Variants in TOX3 observed in about 807,000 individuals in gnomAD.
TOX3 encodes the protein TOX high mobility group box family member 3.
Under a neutral mutation model 64.3 loss-of-function variants are expected in TOX3, and 22 were observed. The observed-to-expected ratio is 0.34, with a 90% CI of 0.24 to 0.49. The LOEUF is 0.49. Ranked by LOEUF, TOX3 falls within the 20% of genes least tolerant of loss-of-function variation. The pLI, the probability that TOX3 is intolerant of heterozygous loss-of-function variation, is 0.99. For synonymous variants in TOX3, 291 were observed against 273.6 expected, an observed-to-expected ratio of 1.06 and a Z score of -0.63; for missense variants, 661 against 714.4, an observed-to-expected ratio of 0.93 and a Z score of 0.85.
At chr16:52,523,339 A>G (rs1263072725) in intron 1 of TOX3, among the ~76,000 whole-genome samples, 2 of 152,194 alleles carry the variant, frequency 1.3e-5, no homozygotes, top group African/African-American at 4.8e-5. Context: ...GATGAGGTCA[A>G]GGAAATAATG....
At position 52,546,760 on chromosome 16, in the gene TOX3, G is replaced by T. The variant is rs1204473062; in HGVS notation, c.-37C>A. Reference sequence around the variant, plus strand: ...GCCCGGGGCCGGGGGCCGGGACTGGGGTTCGCCGGGGCCGGGACCCGCCTC... The same window carrying T: ...GCCCGGGGCCGGGGGCCGGGACTGGTGTTCGCCGGGGCCGGGACCCGCCTC... On this transcript the variant is annotated 5_prime_UTR_variant, in exon 1 of 7. Coordinates refer to ENST00000219746, the MANE Select transcript of TOX3 (RefSeq NM_001080430.4). 2 of 1,473,862 alleles carry T rather than the reference G, an allele frequency of 1.4e-6. No homozygotes were observed. Among genetic ancestry groups the T allele is most frequent in the African/African-American group, 2.9e-5 (2 of 68,426 alleles). 91.3% of individuals were successfully genotyped at this position (1,473,862 alleles called of 1,614,324 possible).
intron 1 of TOX3, among the ~76,000 whole-genome samples, chr16:52,526,749 T>G (rs1962734883): frequency 6.6e-6 from 1 of 152,226 alleles, no homozygotes; most frequent in Non-Finnish European, 1.5e-5. Flanking sequence ...AACCAGGTAG[T>G]CTTTGCGATT....
chr16:52,482,492 G>T (rs1175919632), intron 1 of TOX3, among the ~76,000 whole-genome samples: 3 of 152,068 alleles, frequency 2.0e-5, no homozygotes, highest in Non-Finnish European at 4.4e-5. Flanking sequence ...TGACCAAAAG[G>T]GAGGAAAAAC....
At chr16:52,493,370 T>G (rs7188610) in intron 1 of TOX3, among the ~76,000 whole-genome samples, 2 of 152,020 alleles carry the variant, frequency 1.3e-5, no homozygotes, top group African/African-American at 4.8e-5. Flanking sequence ...AGAGTGCAAT[T>G]TTTAATCGAG....
intron 1 of TOX3, among the ~76,000 whole-genome samples, chr16:52,541,063 G>T (rs932636567): frequency 1.3e-5 from 2 of 152,050 alleles, no homozygotes; most frequent in Non-Finnish European, 2.9e-5. Context: ...TCAAAGTGTA[G>T]TCTACAGACC....
chr16:52,490,242 G>T (rs1389372067), intron 1 of TOX3, among the ~76,000 whole-genome samples: 1 of 152,116 alleles, frequency 6.6e-6, no homozygotes, highest in Non-Finnish European at 1.5e-5. Context: ...CTGCCACTAT[G>T]TGAAGAAGGT....
At chr16:52,474,249 A>G (rs1195722603) in intron 1 of TOX3, among the ~76,000 whole-genome samples, 1 of 151,904 alleles carries the variant, frequency 6.6e-6, no homozygotes, top group Non-Finnish European at 1.5e-5. Flanking sequence ...TATCTTTCCA[A>G]CTGTACCCAA....
chr16:52,474,249 A>T (rs1195722603), intron 1 of TOX3, among the ~76,000 whole-genome samples: 1 of 152,022 alleles, frequency 6.6e-6, no homozygotes, highest in East Asian at 1.9e-4. Flanking sequence ...TATCTTTCCA[A>T]CTGTACCCAA....
chr16:52,524,060 C>T (rs942017375), intron 1 of TOX3, among the ~76,000 whole-genome samples: 2 of 152,128 alleles, frequency 1.3e-5, no homozygotes, highest in East Asian at 1.9e-4. Flanking sequence ...CTGTTTGCAT[C>T]TTTCTGCATT....
chr16:52,453,002 T>G (rs1262855199), intron 3 of TOX3, among the ~76,000 whole-genome samples: 1 of 152,120 alleles, frequency 6.6e-6, no homozygotes, highest in Non-Finnish European at 1.5e-5. Context: ...CCTAATTATC[T>G]TTTTTTATTG....
chr16:52,501,469 C>A (rs1022643268), intron 1 of TOX3, among the ~76,000 whole-genome samples: 1 of 152,030 alleles, frequency 6.6e-6, no homozygotes, highest in Admixed American at 6.5e-5. Flanking sequence ...GCCAGGAGTT[C>A]GAGACCAGCC....
chr16:52,521,994 C>A (rs1354955650), intron 1 of TOX3, among the ~76,000 whole-genome samples: 1 of 152,190 alleles, frequency 6.6e-6, no homozygotes, highest in Non-Finnish European at 1.5e-5. Flanking sequence ...TTCAGCCATG[C>A]TTCCATTTCC....
intron 1 of TOX3, among the ~76,000 whole-genome samples, chr16:52,536,627 C>CTATATATATATATATA (rs57164139): frequency 8.8e-5 from 3 of 34,244 alleles, no homozygotes; most frequent in Admixed American, 3.9e-4. Flanking sequence ...TAGATATACA[C>CTATATATATATATATA]TATATATATA....
At chr16:52,442,192 C>T (rs919224005) in intron 6 of TOX3, among the ~76,000 whole-genome samples, 2 of 152,136 alleles carry the variant, frequency 1.3e-5, no homozygotes. Context: ...TAATAGTAAG[C>T]TTCCATGAAT....
intron 1 of TOX3, among the ~76,000 whole-genome samples, chr16:52,517,069 C>T (rs1473403624): frequency 6.6e-6 from 1 of 152,120 alleles, no homozygotes; most frequent in African/African-American, 2.4e-5. Context: ...ATAAAATCTA[C>T]ACACATACAC....
Position 52,468,564 on chromosome 16 carries a change from T to C in TOX3, c.98A>G (p.Asn33Ser), listed in dbSNP as rs746972464. Residue 33 changes from asparagine to serine, a missense_variant, in exon 2 of 7, where the codon AAT becomes AGT. Physicochemically the swap from Asn to Ser is conservative, Grantham distance 46. Transcript: ENST00000219746. ...CTCAGCCATATTCATATAGTTATTA[T>C]TATTTCCAAACTGAAAGAAAACAGA... ...GYYGYSKFGN[N>S]NNYMNMAEAN... The C allele has an allele frequency of 1.2e-6, 2 of 1,611,862 alleles. No homozygotes were observed. The highest frequency in any genetic ancestry group is 1.7e-6 in the Non-Finnish European group (2 of 1,178,614).
intron 1 of TOX3, among the ~76,000 whole-genome samples, chr16:52,535,822 T>C (rs1293432593): frequency 6.6e-6 from 1 of 152,180 alleles, no homozygotes; most frequent in East Asian, 1.9e-4. Context: ...TCATAATCAT[T>C]GTTCTCTTCC....
chr16:52,529,355 C>A (rs1485331194), intron 1 of TOX3, among the ~76,000 whole-genome samples: 1 of 151,924 alleles, frequency 6.6e-6, no homozygotes, highest in Non-Finnish European at 1.5e-5. Flanking sequence ...ACATAGTAGG[C>A]TTTATTTTTT....
intron 1 of TOX3, among the ~76,000 whole-genome samples, chr16:52,536,008 A>C (rs1215870216): frequency 6.6e-6 from 1 of 152,180 alleles, no homozygotes; most frequent in Non-Finnish European, 1.5e-5. Flanking sequence ...ACACATATTC[A>C]CTCAAATACT....
Sources: allele counts gnomAD v4.1 joint callset (sites outside exome capture counted in the v4.1 genomes callset), GRCh38; gene constraint gnomAD v4.1.1; transcripts MANE v1.5; gene names NCBI Gene and HGNC (gene_info 2026-07-23, HGNC 2026-07-21).